Variants in DGKA observed in about 807,000 individuals in gnomAD.
DGKA encodes diacylglycerol kinase alpha.
In DGKA, 35 loss-of-function variants were observed where a neutral mutation model predicts 105.0. The ratio of observed to expected loss-of-function variants is 0.33; its 90% confidence interval spans 0.25 to 0.44. The LOEUF is 0.44. Ranked by LOEUF, DGKA falls within the 20% of genes least tolerant of loss-of-function variation. The pLI, the probability that DGKA is intolerant of heterozygous loss-of-function variation, is 1.00. For synonymous variants in DGKA, 296 were observed against 332.0 expected (o/e 0.89, Z 1.18); for missense variants, 665 against 915.0 (o/e 0.73, Z 3.53).
Position 55,940,149 on chromosome 12 carries a change from C to G in DGKA, c.777C>G (p.Ala259=). The G allele has an allele frequency of 6.2e-7, 1 of 1,614,216 alleles. No individual in the cohort carries two copies. The highest frequency in any genetic ancestry group is 8.5e-7 in the Non-Finnish European group (1 of 1,180,034). Reference sequence around the variant, plus strand: ...TGCCTTGTGAAGTCAGCACCTATGCCAAGTCTCGGAAGGACATTGGTGTGA... The same window carrying G: ...TGCCTTGTGAAGTCAGCACCTATGCGAAGTCTCGGAAGGACATTGGTGTGA... The part of the protein sequence containing the change: ...KALPCEVSTY[A]KSRKDIGVQS... Residue 259 remains alanine, a synonymous_variant, in exon 10 of 24, where the codon GCC becomes GCG. Transcript: ENST00000331886. The surrounding 1 kb of genome is among the most constrained non-coding windows in gnomAD (Gnocchi z 4.3).
In DGKA at chr12:55,940,770, T is replaced by C; in HGVS notation, c.1017+48T>C. ...GGAGGGGACAGGAGTGCCTCCCCGA[T>C]TTCCCACACGCACAGAGTGGCATTT... On this transcript the variant is annotated intron_variant, in intron 12 of 23. Coordinates refer to ENST00000331886, the MANE Select transcript of DGKA (RefSeq NM_001345.5). The surrounding 1 kb of genome is among the most constrained non-coding windows in gnomAD (Gnocchi z 4.3). 6.2e-7 allele frequency: 1 copy of C among 1,607,062 alleles called. No individual in the cohort carries two copies. The highest frequency in any genetic ancestry group is 8.5e-7 in the Non-Finnish European group (1 of 1,173,854).
rs1883758292 is a variant in DGKA at position 55,932,372 on chromosome 12, G to A, written c.-82+1028G>A. ...ATCCCTCCCGCTCATTCGGAGGGAT[G>A]GTGAAGCCCGGTTCCTGGGACCCGA... On this transcript the variant is annotated intron_variant, in intron 1 of 23. Transcript: ENST00000331886. The surrounding 1 kb of genome is among the most constrained non-coding windows in gnomAD (Gnocchi z 4.3). 3.3e-6 allele frequency: 2 copies of A among 597,402 alleles called. No individual in the cohort carries two copies. The highest frequency in any genetic ancestry group is 1.9e-5 in the South Asian group (1 of 51,828). The allele number at this position is 597,402 out of a possible 1,614,324, so 37.0% of individuals were successfully genotyped here. A position where few individuals can be genotyped will look rare whatever the true frequency, so the allele number is the denominator to read the frequency against.
Position 55,940,438 on chromosome 12 carries a change from G to T in DGKA, c.918+5G>T, listed in dbSNP as rs762179202. On this transcript the variant is annotated splice_donor_5th_base_variant and intron_variant, in intron 11 of 23. Transcript: ENST00000331886. This position sits in a 1 kb window ranked among gnomAD's most constrained non-coding sequence, Gnocchi z 4.3. ...TGTGTATGGTGCCACCTAGAGGTCA[G>T]TTTGGGAGCCATCCCTTCTGGGTGC... is the stretch of plus-strand genomic sequence containing the variant. 1 of 1,613,926 alleles carries T rather than the reference G, an allele frequency of 6.2e-7. No homozygotes were observed. Among genetic ancestry groups the T allele is most frequent in the Non-Finnish European group, 8.5e-7 (1 of 1,179,916 alleles).
intron 17 of DGKA, among the ~76,000 whole-genome samples, chr12:55,944,953 C>T (rs1474501833): frequency 1.3e-5 from 2 of 152,162 alleles, no homozygotes; most frequent in East Asian, 3.8e-4. Context: ...GTGTCCACCA[C>T]CACATCCAGC....
chr12:55,935,995 GCCGAAGAC>G, intron 1 of DGKA: 1 of 989,782 alleles, frequency 1.0e-6, no homozygotes, highest in Non-Finnish European at 1.2e-6. Flanking sequence ...TGCCGGAACT[GCCGAAGAC>G]CCGAGATGGG....
chr12:55,930,732 G>A (rs1390075282), upstream of DGKA: 2 of 152,136 alleles, frequency 1.3e-5, no homozygotes, highest in East Asian at 3.9e-4. Context: ...GGAGCAGAGA[G>A]ACAGACCCCT....
rs1888311375 is a variant in DGKA, at chr12:55,952,247, T to C, written c.1653-94T>C. On this transcript the variant is annotated intron_variant, in intron 19 of 23. Transcript: ENST00000331886. This position sits in a 1 kb window ranked among gnomAD's most constrained non-coding sequence, Gnocchi z 5.1. ...CCCTTGTTCCCCATGGGACTAAAGTTAGGAGGTTGATGCCCTTCCCTGTCA... is the reference window on the plus strand; with the variant it reads ...CCCTTGTTCCCCATGGGACTAAAGTCAGGAGGTTGATGCCCTTCCCTGTCA... 1.3e-6 allele frequency: 2 copies of C among 1,501,138 alleles called. No homozygotes were observed. Among genetic ancestry groups the C allele is most frequent in the African/African-American group, 2.8e-5 (2 of 72,530 alleles). 93.0% of individuals were successfully genotyped at this position (1,501,138 alleles called of 1,614,324 possible).
At chr12:55,939,157 C>T (rs774440202) in intron 7 of DGKA, 29 bp from the exon 8 acceptor site, 8 of 1,611,050 alleles carry the variant, frequency 5.0e-6, no homozygotes, top group East Asian at 2.2e-5. Context: ...CCCACTCATA[C>T]TGAAAGTCCC....
chr12:55,939,908 G>C, intron 9 of DGKA, 174 bp from the exon 10 acceptor site: 1 of 628,930 alleles, frequency 1.6e-6, no homozygotes, highest in Non-Finnish European at 2.8e-6. Context: ...GATCTTTTAG[G>C]AGGAAGAGTA....
intron 6 of DGKA, 94 bp from the exon 7 acceptor site, chr12:55,938,821 T>A: frequency 6.3e-7 from 1 of 1,578,154 alleles, no homozygotes; most frequent in Non-Finnish European, 8.7e-7. Flanking sequence ...GGTGTGAATC[T>A]GGGGTGGAAC....
chr12:55,951,550 G>T lies in DGKA; in HGVS notation c.1427-73G>T, dbSNP rs1399423734. 23 of 1,508,742 alleles carry T rather than the reference G, an allele frequency of 1.5e-5. No individual in the cohort carries two copies. The East Asian group carries it at 3.4e-4, about 22-fold the overall frequency. The allele number at this position is 1,508,742 out of a possible 1,614,324, so 93.5% of individuals were successfully genotyped here. A position where few individuals can be genotyped will look rare whatever the true frequency, so the allele number is the denominator to read the frequency against. On this transcript the variant is annotated intron_variant, in intron 17 of 23. Transcript: ENST00000331886. ...CAGGGCAGAAGGCCCCTGGGAATTT[G>T]TGGAGCTGGGAGCTGAGAAGAGGCC...
At chr12:55,927,777 G>A (rs1883223404), upstream of DGKA, 2 of 1,537,784 alleles carry the variant, frequency 1.3e-6, no homozygotes, top group African/African-American at 1.4e-5. Context: ...AAGAGGCAGC[G>A]GACCAGGTTG....
chr12:55,941,357 G>A (rs1224345229), intron 14 of DGKA, 32 bp downstream of exon 14: 3 of 1,607,914 alleles, frequency 1.9e-6, no homozygotes, highest in African/African-American at 2.7e-5. Context: ...CTTCTAAGAT[G>A]AGAGGCAGGG....
intron 1 of DGKA, chr12:55,935,805 A>G (rs1884527877): frequency 1.1e-6 from 1 of 895,540 alleles, no homozygotes; most frequent in African/African-American, 1.8e-5. Flanking sequence ...GGGGCTAGGG[A>G]CCTTGCCAGA....
At chr12:55,944,267 T>A (rs2136354059) in intron 17 of DGKA, among the ~76,000 whole-genome samples, 3 of 152,260 alleles carry the variant, frequency 2.0e-5, no homozygotes, top group Middle Eastern at 6.8e-3. Context: ...GCCACTGCAC[T>A]CAATCCTGGC....
chr12:55,946,812 T>G (rs1453052735), intron 17 of DGKA, among the ~76,000 whole-genome samples: 1 of 152,088 alleles, frequency 6.6e-6, no homozygotes, highest in Non-Finnish European at 1.5e-5. Flanking sequence ...CTTTCAAGAG[T>G]TAAAATGAGA....
chr12:55,943,207 G>C (rs1166426206), intron 17 of DGKA: 1 of 151,850 alleles, frequency 6.6e-6, no homozygotes, highest in Admixed American at 6.6e-5. Context: ...TTATTTCTAA[G>C]TGGGACATGT....
chr12:55,933,272 G>T (rs560293970), intron 1 of DGKA, among the ~76,000 whole-genome samples: 1 of 152,268 alleles, frequency 6.6e-6, no homozygotes, highest in Admixed American at 6.5e-5. Context: ...GTGACTCCCA[G>T]CTCTGTGGAT....
At chr12:55,939,383 G>C in intron 8 of DGKA, 32 bp from the exon 9 acceptor site, 3 of 1,613,956 alleles carry the variant, frequency 1.9e-6, no homozygotes, top group South Asian at 2.2e-5. Flanking sequence ...TAAGGGCTTT[G>C]ACACTCCCTA....
Sources: allele counts gnomAD v4.1 joint callset (sites outside exome capture counted in the v4.1 genomes callset), GRCh38; gene constraint gnomAD v4.1.1; non-coding constraint Gnocchi (gnomAD v3.1); transcripts MANE v1.5; gene names NCBI Gene and HGNC (gene_info 2026-07-23, HGNC 2026-07-21).